Variants in KCNQ1OT1 observed in about 807,000 individuals in gnomAD.
KCNQ1OT1 encodes KCNQ1 antisense RNA 2 (non-protein coding).
chr11:2,699,596 G>A (rs946239245), exon 1 of KCNQ1OT1: 4 of 352,054 alleles, frequency 1.1e-5, no homozygotes, highest in African/African-American at 8.6e-5. Flanking sequence ...GAACAGAACC[G>A]CGGCGAGAGG....
rs1386849278 is a variant in KCNQ1OT1, at chr11:2,642,258, TG to T, written n.57736del. ...ATTCTCCCAATCCATGAGAATGGGA[TG>T]TTTTTTGTGTGTTCTTTTCAATTTC... is the stretch of plus-strand genomic sequence containing the variant. On this transcript the variant is annotated non_coding_transcript_exon_variant, in exon 1 of 1. Coordinates refer to ENST00000597346, the Ensembl canonical transcript of KCNQ1OT1. This position sits in a 1 kb window ranked among gnomAD's most constrained non-coding sequence, Gnocchi z 4.3. 5.0e-6 allele frequency: 2 copies of T among 398,282 alleles called. No individual in the cohort carries two copies. The highest frequency in any genetic ancestry group is 1.3e-4 in the South Asian group (1 of 7,864). The allele number at this position is 398,282 out of a possible 1,614,324, so 24.7% of individuals were successfully genotyped here. A position where few individuals can be genotyped will look rare whatever the true frequency, so the allele number is the denominator to read the frequency against.
chr11:2,667,393 G>T (rs1850096866), exon 1 of KCNQ1OT1: 2 of 398,736 alleles, frequency 5.0e-6, no homozygotes, highest in Admixed American at 8.8e-5. Context: ...AGTGCACTCT[G>T]GCCAGGCTCA....
Position 2,661,866 on chromosome 11 carries a change from T to TCCTCA in KCNQ1OT1, n.38124_38128dup. ...TGGAGCTTCCAGGCACAAGCTCCAC[T>TCCTCA]CCTCACCTGGCCCTGGGAGCTCACA... On this transcript the variant is annotated non_coding_transcript_exon_variant, in exon 1 of 1. Coordinates refer to ENST00000597346, the Ensembl canonical transcript of KCNQ1OT1. This position sits in a 1 kb window ranked among gnomAD's most constrained non-coding sequence, Gnocchi z 5.9. 6.7e-7 allele frequency: 1 copy of TCCTCA among 1,498,464 alleles called. No homozygotes were observed. Among genetic ancestry groups the TCCTCA allele is most frequent in the Non-Finnish European group, 9.3e-7 (1 of 1,078,356 alleles). The allele number at this position is 1,498,464 out of a possible 1,614,324, so 92.8% of individuals were successfully genotyped here. A position where few individuals can be genotyped will look rare whatever the true frequency, so the allele number is the denominator to read the frequency against.
exon 1 of KCNQ1OT1, chr11:2,632,868 T>C: frequency 2.5e-6 from 1 of 398,490 alleles, no homozygotes; most frequent in Non-Finnish European, 4.4e-6. Flanking sequence ...TGAACAGTAC[T>C]GCAATAAACA....
rs1849775292 is a variant in KCNQ1OT1 at position 2,652,691 on chromosome 11, G to A, written n.47304C>T. The A allele has an allele frequency of 1.0e-5, 4 of 398,846 alleles. No homozygotes were observed. In the East Asian group the frequency reaches 1.1e-4, roughly 11 times the overall value. The allele number at this position is 398,846 out of a possible 1,614,324, so 24.7% of individuals were successfully genotyped here. ...GTCGATTTTAGTTGTGTGGGTGGCT[G>A]TGTTGCTCTCTTTCCGTTTCCTGGG... is the stretch of plus-strand genomic sequence containing the variant. On this transcript the variant is annotated non_coding_transcript_exon_variant, in exon 1 of 1. Coordinates refer to ENST00000597346, the Ensembl canonical transcript of KCNQ1OT1. The surrounding 1 kb of genome is among the most constrained non-coding windows in gnomAD (Gnocchi z 5.9).
rs906843118 is a variant in KCNQ1OT1 at position 2,620,075 on chromosome 11, G to A, written n.79920C>T. 35 of 398,092 alleles carry A rather than the reference G, an allele frequency of 8.8e-5. No individual in the cohort carries two copies. Among genetic ancestry groups the A allele is most frequent in the African/African-American group, 6.8e-4 (33 of 48,458 alleles). 24.7% of individuals were successfully genotyped at this position (398,092 alleles called of 1,614,324 possible). A position where few individuals can be genotyped will look rare whatever the true frequency, so the allele number is the denominator to read the frequency against. ...TCATCTTTATGTCCATGTTTACTCA[G>A]TGTTTAGGTCCCACTTGCAAGTGGT... On this transcript the variant is annotated non_coding_transcript_exon_variant, in exon 1 of 1. Transcript: ENST00000597346. The surrounding 1 kb of genome is among the most constrained non-coding windows in gnomAD (Gnocchi z 4.5).
exon 1 of KCNQ1OT1, chr11:2,666,671 A>C (rs1206853113): frequency 2.5e-6 from 1 of 398,688 alleles, no homozygotes; most frequent in African/African-American, 2.1e-5. Flanking sequence ...TTTTGATGGG[A>C]CCAGCTTGGC....
rs905951086 is a variant in KCNQ1OT1 at position 2,653,755 on chromosome 11, T to C, written n.46240A>G. 1 of 398,640 alleles carries C rather than the reference T, an allele frequency of 2.5e-6. No individual in the cohort carries two copies. The highest frequency in any genetic ancestry group is 4.4e-5 in the Admixed American group (1 of 22,732). The allele number at this position is 398,640 out of a possible 1,614,324, so 24.7% of individuals were successfully genotyped here. On this transcript the variant is annotated non_coding_transcript_exon_variant, in exon 1 of 1. Coordinates refer to ENST00000597346, the Ensembl canonical transcript of KCNQ1OT1. The surrounding 1 kb of genome is among the most constrained non-coding windows in gnomAD (Gnocchi z 5.3). ...ATCTAAGGCCAGGTTCTTATTGGCC[T>C]CAGCTGGGGTACAAGCCATCCTTGG...
chr11:2,661,901 C>T lies in KCNQ1OT1; in HGVS notation n.38094G>A. 5.0e-6 allele frequency: 8 copies of T among 1,611,962 alleles called. 1 individual carries two copies. Among genetic ancestry groups the T allele is most frequent in the Non-Finnish European group, 6.8e-6 (8 of 1,178,388 alleles). Reference sequence around the variant, plus strand: ...GCCCTGGGAGCTCACAGGCCTGGCTCCACAGCACTGGCAGGTTGGGTGGGA... The same window carrying T: ...GCCCTGGGAGCTCACAGGCCTGGCTTCACAGCACTGGCAGGTTGGGTGGGA... On this transcript the variant is annotated non_coding_transcript_exon_variant, in exon 1 of 1. Coordinates refer to ENST00000597346, the Ensembl canonical transcript of KCNQ1OT1. The surrounding 1 kb of genome is among the most constrained non-coding windows in gnomAD (Gnocchi z 5.9).
rs1849780257 is a variant in KCNQ1OT1 at position 2,652,965 on chromosome 11, A to C, written n.47030T>G. ...CCCTGGGACTTCTCAGGATTCCGGA[A>C]GTCATCTTTGACTGTGTCACATCAC... On this transcript the variant is annotated non_coding_transcript_exon_variant, in exon 1 of 1. Transcript: ENST00000597346. The surrounding 1 kb of genome is among the most constrained non-coding windows in gnomAD (Gnocchi z 5.9). 2.5e-6 allele frequency: 1 copy of C among 398,588 alleles called. No individual in the cohort carries two copies. Among genetic ancestry groups the C allele is most frequent in the African/African-American group, 2.1e-5 (1 of 48,652 alleles). The allele number at this position is 398,588 out of a possible 1,614,324, so 24.7% of individuals were successfully genotyped here.
chr11:2,693,984 C>G (rs1850631870), exon 1 of KCNQ1OT1: 1 of 398,716 alleles, frequency 2.5e-6, no homozygotes, highest in East Asian at 3.6e-5. Context: ...GTGAGCAGGC[C>G]CAGCCCGGCC....
chr11:2,673,231 A>T lies in KCNQ1OT1; in HGVS notation n.26764T>A, dbSNP rs2133870808. On this transcript the variant is annotated non_coding_transcript_exon_variant, in exon 1 of 1. Transcript: ENST00000597346. The surrounding 1 kb of genome is among the most constrained non-coding windows in gnomAD (Gnocchi z 4.5). ...ACTAGGCAAGCTGAGTCCCCTGTAG[A>T]TTCTGGGGACTGGGTGATGCAGACT... 2.5e-6 allele frequency: 1 copy of T among 398,698 alleles called. No individual in the cohort carries two copies. Among genetic ancestry groups the T allele is most frequent in the Middle Eastern group, 6.3e-4 (1 of 1,592 alleles). 24.7% of individuals were successfully genotyped at this position (398,698 alleles called of 1,614,324 possible). A position where few individuals can be genotyped will look rare whatever the true frequency, so the allele number is the denominator to read the frequency against.
chr11:2,637,280 T>C (rs920045233), exon 1 of KCNQ1OT1: 1 of 152,224 alleles, frequency 6.6e-6, no homozygotes, highest in African/African-American at 2.4e-5. Flanking sequence ...TGTTAGGGCA[T>C]CAATTTTAGA....
chr11:2,688,575 C>G (rs1423243107), exon 1 of KCNQ1OT1: 1 of 398,592 alleles, frequency 2.5e-6, no homozygotes, highest in Non-Finnish European at 4.4e-6. Context: ...CTCATAGCAG[C>G]CAGTGCTCGC....
In KCNQ1OT1 at chr11:2,642,558, T is replaced by C. The variant is rs1849596257; in HGVS notation, n.57437A>G. The stretch of plus-strand genomic sequence containing the variant: ...TTTGATTTTATTCATGTAGGTCTTC[T>C]CTCTTTTCTTCTTGGATAGTTTAGC... On this transcript the variant is annotated non_coding_transcript_exon_variant, in exon 1 of 1. Transcript: ENST00000597346. The surrounding 1 kb of genome is among the most constrained non-coding windows in gnomAD (Gnocchi z 4.3). The C allele has an allele frequency of 1.0e-5, 4 of 397,856 alleles. No homozygotes were observed. Among genetic ancestry groups the C allele is most frequent in the African/African-American group, 8.2e-5 (4 of 48,620 alleles). 24.6% of individuals were successfully genotyped at this position (397,856 alleles called of 1,614,324 possible).
At chr11:2,655,229 G>A in exon 1 of KCNQ1OT1, 1 of 398,644 alleles carries the variant, frequency 2.5e-6, no homozygotes, top group African/African-American at 2.1e-5. Flanking sequence ...CCACGCCCGA[G>A]GCTGCCTTTG....
Position 2,617,551 on chromosome 11 carries a change from A to G in KCNQ1OT1, n.82444T>C. On this transcript the variant is annotated non_coding_transcript_exon_variant, in exon 1 of 1. Transcript: ENST00000597346. The surrounding 1 kb of genome is among the most constrained non-coding windows in gnomAD (Gnocchi z 4.6). Reference sequence around the variant, plus strand: ...GAGCGCAGATATCTTTATGAGGTGGAGATTTCATTTTCTTTGGGAATATAC... The same window carrying G: ...GAGCGCAGATATCTTTATGAGGTGGGGATTTCATTTTCTTTGGGAATATAC... 2.5e-6 allele frequency: 1 copy of G among 398,432 alleles called. No individual in the cohort carries two copies. The highest frequency in any genetic ancestry group is 4.4e-6 in the Non-Finnish European group (1 of 225,952). The allele number at this position is 398,432 out of a possible 1,614,324, so 24.7% of individuals were successfully genotyped here.
chr11:2,640,919 A>G (rs969908021), exon 1 of KCNQ1OT1: 1 of 399,334 alleles, frequency 2.5e-6, no homozygotes, highest in Non-Finnish European at 4.4e-6. Context: ...TGATAATAAC[A>G]TAAGATAATT....
chr11:2,665,772 T>A, exon 1 of KCNQ1OT1: 2 of 398,566 alleles, frequency 5.0e-6, no homozygotes, highest in Non-Finnish European at 8.8e-6. Flanking sequence ...CTAGGATTGC[T>A]GCTCACTCAA....
Sources: allele counts gnomAD v4.1 joint callset, GRCh38; gene constraint gnomAD v4.1.1; non-coding constraint Gnocchi (gnomAD v3.1); transcripts MANE v1.5; gene names NCBI Gene and HGNC (gene_info 2026-07-23, HGNC 2026-07-21).